The following CBFA2T2 variants were observed in gnomAD, a reference collection of about 807,000 sequenced individuals.
CBFA2T2 encodes the protein CBFA2/RUNX1 partner transcriptional co-repressor 2.
Under a neutral mutation model 62.2 loss-of-function variants are expected in CBFA2T2, and 11 were observed. The observed-to-expected ratio is 0.18, with a 90% confidence interval of 0.11 to 0.29. The LOEUF (loss-of-function observed/expected upper bound fraction) is 0.29. Ranked by LOEUF, CBFA2T2 falls within the 10% of genes least tolerant of loss-of-function variation. The pLI is 1.00. For synonymous variants in CBFA2T2, 295 were observed against 287.5 expected, an observed-to-expected ratio of 1.03 and a Z score of -0.27; for missense variants, 592 against 774.1, an observed-to-expected ratio of 0.76 and a Z score of 2.79.
intron 1 of CBFA2T2, among the ~76,000 whole-genome samples, chr20:33,498,247 C>CTTTT (rs150003478): frequency 7.4e-6 from 1 of 134,972 alleles, no homozygotes; most frequent in Non-Finnish European, 1.6e-5. Flanking sequence ...AATTTTCTTT[C>CTTTT]TTTTTTTTTT....
chr20:33,501,680 G>A (rs1254187063), intron 1 of CBFA2T2, among the ~76,000 whole-genome samples: 3 of 99,458 alleles, frequency 3.0e-5, no homozygotes, highest in African/African-American at 3.9e-5. Context: ...TCACTTTGTC[G>A]CCAGGCTGGA....
At chr20:33,540,214 A>G (rs1476235082) in intron 1 of CBFA2T2, among the ~76,000 whole-genome samples, 6 of 152,270 alleles carry the variant, frequency 3.9e-5, no homozygotes, top group Non-Finnish European at 5.9e-5. Context: ...TGAATGTGGT[A>G]GAATATTCAG....
intron 1 of CBFA2T2, among the ~76,000 whole-genome samples, chr20:33,552,248 T>C (rs1334044220): frequency 6.6e-6 from 1 of 152,194 alleles, no homozygotes; most frequent in Non-Finnish European, 1.5e-5. Flanking sequence ...CATTTTCAGG[T>C]TATTTGACTT....
At chr20:33,513,464 A>G (rs1288983666) in intron 1 of CBFA2T2, among the ~76,000 whole-genome samples, 9 of 150,968 alleles carry the variant, frequency 6.0e-5, no homozygotes, top group Non-Finnish European at 1.2e-4. Context: ...GGTTCAAGCG[A>G]TTCTCCTGCC....
intron 1 of CBFA2T2, among the ~76,000 whole-genome samples, chr20:33,533,670 T>A (rs928554441): frequency 4.0e-5 from 6 of 149,218 alleles, no homozygotes; most frequent in Non-Finnish European, 6.0e-5. Flanking sequence ...TTTTCTTTTT[T>A]AAAAAAAAAA....
At chr20:33,496,721 G>T (rs1245195203) in intron 1 of CBFA2T2, among the ~76,000 whole-genome samples, 1 of 152,128 alleles carries the variant, frequency 6.6e-6, no homozygotes, top group Admixed American at 6.6e-5. Flanking sequence ...CTTATCCATT[G>T]GGATTACAGA....
At chr20:33,594,070 G>T (rs986188322) in intron 1 of CBFA2T2, among the ~76,000 whole-genome samples, 11 of 152,200 alleles carry the variant, frequency 7.2e-5, no homozygotes, top group African/African-American at 2.7e-4. Context: ...GACTGAAGGG[G>T]TTAAAAGCAG....
chr20:33,562,775 G>T lies in CBFA2T2; in HGVS notation c.35-44181G>T, dbSNP rs781139966. 2.7e-4 allele frequency: 171 copies of T among 644,952 alleles called. 1 individual carries two copies. The highest frequency in any genetic ancestry group is 2.9e-4 in the Non-Finnish European group (150 of 519,354). 40.0% of individuals were successfully genotyped at this position (644,952 alleles called of 1,614,324 possible). On this transcript the variant is annotated intron_variant, in intron 1 of 10. Coordinates refer to ENST00000342704, the MANE Select transcript of CBFA2T2 (RefSeq NM_001032999.3). ...AATTACGATGATATGAATGTTTCTT[G>T]GTATTTGATACAAGAGTTCAGCCTT...
intron 1 of CBFA2T2, chr20:33,600,221 T>C (rs2015075825): frequency 2.2e-5 from 2 of 92,348 alleles, no homozygotes; most frequent in African/African-American, 8.6e-5. Flanking sequence ...TGTGATGGAG[T>C]CTTGCTGTTT....
intron 4 of CBFA2T2, among the ~76,000 whole-genome samples, chr20:33,622,106 AT>A (rs1364561166): frequency 6.6e-6 from 1 of 152,202 alleles, no homozygotes; most frequent in Non-Finnish European, 1.5e-5. Context: ...TTGCAACAAG[AT>A]TGAGGTTATA....
intron 1 of CBFA2T2, among the ~76,000 whole-genome samples, chr20:33,490,753 G>C (rs2011140907): frequency 6.6e-6 from 1 of 152,172 alleles, no homozygotes; most frequent in South Asian, 2.1e-4. Flanking sequence ...TCACATCCAG[G>C]CTTCCCCATT....
intron 1 of CBFA2T2, among the ~76,000 whole-genome samples, chr20:33,579,989 T>A (rs1335594761): frequency 6.6e-6 from 1 of 151,624 alleles, no homozygotes; most frequent in African/African-American, 2.4e-5. Context: ...TAATTTTGTA[T>A]TTTTTTTAGT....
intron 1 of CBFA2T2, among the ~76,000 whole-genome samples, chr20:33,519,659 A>G (rs780783578): frequency 5.3e-5 from 8 of 152,116 alleles, no homozygotes; most frequent in Non-Finnish European, 7.4e-5. Context: ...TGTGTATTCT[A>G]ATCATCTGGG....
intron 9 of CBFA2T2, chr20:33,639,573 C>CAA (rs564409493): frequency 5.6e-5 from 7 of 124,762 alleles, no homozygotes; most frequent in Admixed American, 4.8e-4. Context: ...GACTCCGTCG[C>CAA]AAAAAAAAAA....
At chr20:33,568,095 G>C (rs1000777056) in intron 1 of CBFA2T2, among the ~76,000 whole-genome samples, 8 of 152,150 alleles carry the variant, frequency 5.3e-5, no homozygotes, top group Non-Finnish European at 2.9e-5. Flanking sequence ...TTTGACATTA[G>C]GCTGTGTAAC....
At position 33,644,453 on chromosome 20, in the gene CBFA2T2, G is replaced by T. The variant is rs750954599; in HGVS notation, c.1595G>T (p.Arg532Leu). 1.2e-6 allele frequency: 2 copies of T among 1,614,084 alleles called. No homozygotes were observed. The highest frequency in any genetic ancestry group is 1.3e-5 in the African/African-American group (1 of 74,942). The change falls in exon 11 of 11, where the codon CGC (arginine) becomes CTC (leucine). Residue 532 changes from arginine (R) to leucine (L), a missense_variant. Around this residue, in one of 3 missense-constraint regions of CBFA2T2, gnomAD observed 85 missense variants for 99.0 expected, o/e 0.86. Coordinates refer to ENST00000342704, the MANE Select transcript of CBFA2T2 (RefSeq NM_001032999.3). ...CACAAGGACTGGGAGCGGCACCACC[G>T]CCTCTGTGGTCAGAACCTGCATGGC... ...CQHKDWERHH[R>L]LCGQNLHGQS... is the part of the protein sequence containing the mutation.
At chr20:33,534,827 C>G (rs1287565760) in intron 1 of CBFA2T2, among the ~76,000 whole-genome samples, 1 of 132,788 alleles carries the variant, frequency 7.5e-6, no homozygotes, top group African/African-American at 2.9e-5. Context: ...TATATGGGCA[C>G]AGTTTGTGGC....
chr20:33,591,885 T>C (rs562139749), intron 1 of CBFA2T2, among the ~76,000 whole-genome samples: 35 of 152,052 alleles, frequency 2.3e-4, no homozygotes, highest in African/African-American at 8.4e-4. Context: ...CTGTAAGTCA[T>C]GGTCATTCTG....
intron 1 of CBFA2T2, among the ~76,000 whole-genome samples, chr20:33,571,802 T>G (rs2013581364): frequency 6.6e-6 from 1 of 152,238 alleles, no homozygotes; most frequent in Admixed American, 6.5e-5. Flanking sequence ...TGAATGATAG[T>G]TAAATGTGGT....
Sources: allele counts gnomAD v4.1 joint callset (sites outside exome capture counted in the v4.1 genomes callset), GRCh38; gene constraint gnomAD v4.1.1; regional missense constraint gnomAD v4.1.1; transcripts MANE v1.5; gene names NCBI Gene and HGNC (gene_info 2026-07-23, HGNC 2026-07-21).